Variants in EXTL3 observed in about 807,000 individuals in gnomAD.
EXTL3 encodes exostosin-like 3.
A neutral mutation model predicts 69.3 loss-of-function variants in EXTL3; 27 were observed. The ratio of observed to expected loss-of-function variants is 0.39; its 90% CI spans 0.29 to 0.54. The LOEUF is 0.54. Among genes scored for constraint, EXTL3 ranks in the 20% least tolerant of loss-of-function variants. EXTL3 has a pLI of 0.69. For missense variants in EXTL3, 1,003 were observed against 1,231.8 expected, an observed-to-expected ratio of 0.81 and a Z score of 2.78; for synonymous variants, 511 against 499.4, an observed-to-expected ratio of 1.02 and a Z score of -0.31.
chr8:28,715,742 G>T lies in EXTL3; in HGVS notation c.-318G>T, dbSNP rs772037633. ...GAAAAAGTCTGTCTGATTCCAGGGT[G>T]TTTTTCCTGGGTTTCATCATCAGGT... On this transcript the variant is annotated 5_prime_UTR_variant, in exon 3 of 7. Transcript: ENST00000220562. 14 of 380,926 alleles carry T rather than the reference G, an allele frequency of 3.7e-5. No individual in the cohort carries two copies. Among genetic ancestry groups the T allele is most frequent in the Non-Finnish European group, 6.2e-5 (13 of 209,246 alleles). The allele number at this position is 380,926 out of a possible 1,614,324, so 23.6% of individuals were successfully genotyped here. A position where few individuals can be genotyped will look rare whatever the true frequency, so the allele number is the denominator to read the frequency against.
At chr8:28,739,596 G>T (rs1467741206) in intron 5 of EXTL3, among the ~76,000 whole-genome samples, 3 of 152,208 alleles carry the variant, frequency 2.0e-5, no homozygotes, top group Non-Finnish European at 4.4e-5. Context: ...CTCCCAAAGT[G>T]TTGGGATTAC....
At chr8:28,685,821 G>T (rs2130667910) in intron 1 of EXTL3, 1 of 151,128 alleles carries the variant, frequency 6.6e-6, no homozygotes, top group Admixed American at 6.6e-5. Flanking sequence ...TTATGTATGT[G>T]TGTGTGTATA....
chr8:28,742,999 A>G, intron 5 of EXTL3, 87 bp from the exon 6 acceptor site: 19 of 1,471,342 alleles, frequency 1.3e-5, no homozygotes, highest in Non-Finnish European at 1.4e-5. Flanking sequence ...ACACCCAAAC[A>G]GCCCCTCCAT....
Position 28,706,786 on chromosome 8 carries a change from C to G in EXTL3, c.-570+5127C>G, listed in dbSNP as rs73669848. 3.3e-3 allele frequency among the ~76,000 whole-genome samples: 504 copies of G among 151,380 alleles called. 1 individual carries two copies. Among genetic ancestry groups the G allele is most frequent in the African/African-American group, 0.012 (497 of 41,354 alleles). The stretch of plus-strand genomic sequence containing the variant: ...TCCGTTGACCACTGTTGATTGCTTT[C>G]TTTTAATTCTGTCATATTGAGCAGG... On this transcript the variant is annotated intron_variant, in intron 1 of 6. Transcript: ENST00000220562.
chr8:28,642,082 G>T (rs1393212521), intron 1 of EXTL3, among the ~76,000 whole-genome samples: 2 of 151,964 alleles, frequency 1.3e-5, no homozygotes. Flanking sequence ...TGATCCGCCC[G>T]CCTCAGCCTC....
chr8:28,651,438 G>A (rs924063455), intron 1 of EXTL3, among the ~76,000 whole-genome samples: 13 of 151,960 alleles, frequency 8.6e-5, no homozygotes, highest in African/African-American at 2.7e-4. Context: ...AAATCTTCCC[G>A]CCTCAGGTTC....
intron 1 of EXTL3, among the ~76,000 whole-genome samples, chr8:28,640,335 TTCTTTC>T (rs1806722774): frequency 6.6e-6 from 1 of 152,198 alleles, no homozygotes; most frequent in African/African-American, 2.4e-5. Flanking sequence ...ATAATATCTA[TTCTTTC>T]TCTTTATTTA....
At chr8:28,729,292 CAAAAAAAAAAA>C (rs72487306) in intron 3 of EXTL3, among the ~76,000 whole-genome samples, 1 of 74,068 alleles carries the variant, frequency 1.4e-5, no homozygotes, top group Non-Finnish European at 2.5e-5. Flanking sequence ...GACTCTATCT[CAAAAAAAAAAA>C]AAAAAAAAAA....
chr8:28,747,998 G>A (rs1801925004), intron 6 of EXTL3, among the ~76,000 whole-genome samples: 1 of 152,072 alleles, frequency 6.6e-6, no homozygotes. Context: ...AAAGTGCTGG[G>A]ATTACAGGTG....
intron 1 of EXTL3, among the ~76,000 whole-genome samples, chr8:28,669,719 C>T (rs934938061): frequency 6.6e-6 from 1 of 152,148 alleles, no homozygotes; most frequent in Non-Finnish European, 1.5e-5. Flanking sequence ...CTTCTCTGTT[C>T]TCTGATATTA....
intron 1 of EXTL3, among the ~76,000 whole-genome samples, chr8:28,638,183 G>C (rs1056094851): frequency 4.6e-5 from 7 of 152,178 alleles, no homozygotes; most frequent in African/African-American, 1.4e-4. Context: ...AATTCTTTTG[G>C]TTCCAAGTGA....
At chr8:28,743,012 A>G (rs1801812098) in intron 5 of EXTL3, 74 bp from the exon 6 acceptor site, 3 of 1,558,174 alleles carry the variant, frequency 1.9e-6, no homozygotes, top group Non-Finnish European at 2.7e-6. Context: ...CCCTCCATCC[A>G]TGCATATTTT....
chr8:28,667,373 G>A (rs942159828), intron 1 of EXTL3, among the ~76,000 whole-genome samples: 2 of 152,148 alleles, frequency 1.3e-5, no homozygotes, highest in Admixed American at 1.3e-4. Flanking sequence ...AGCATTCAGA[G>A]GAGCCTGACT....
chr8:28,745,832 T>G (rs1801877265), intron 6 of EXTL3, among the ~76,000 whole-genome samples: 1 of 152,210 alleles, frequency 6.6e-6, no homozygotes, highest in Non-Finnish European at 1.5e-5. Flanking sequence ...TGGAAGTAAT[T>G]TAGACATGGT....
chr8:28,718,069 T>C lies in EXTL3; in HGVS notation c.2010T>C (p.Tyr670=), dbSNP rs767196464. The C allele has an allele frequency of 2.5e-6, 4 of 1,613,682 alleles. No individual in the cohort carries two copies. The highest frequency in any genetic ancestry group is 1.1e-5 in the South Asian group (1 of 91,010). ...REQFTVVMLT[Y]EREEVLMNSL... ...AGTTCACGGTGGTGATGTTGACTTATGAGCGGGAGGAAGTGCTTATGAACT... is the reference window on the plus strand; with the variant it reads ...AGTTCACGGTGGTGATGTTGACTTACGAGCGGGAGGAAGTGCTTATGAACT... Residue 670 remains tyrosine (Y), a synonymous_variant, in exon 3 of 7, where the codon TAT becomes TAC. Transcript: ENST00000220562.
chr8:28,745,335 T>C (rs974105428), intron 6 of EXTL3, among the ~76,000 whole-genome samples: 7 of 152,184 alleles, frequency 4.6e-5, no homozygotes, highest in African/African-American at 1.7e-4. Context: ...TGTCCCAGGG[T>C]TTCATCTGTT....
chr8:28,670,208 C>CAAAAAA (rs369464596), intron 1 of EXTL3, among the ~76,000 whole-genome samples: 3 of 80,412 alleles, frequency 3.7e-5, no homozygotes, highest in Non-Finnish European at 6.6e-5. Context: ...GACTCTGTCT[C>CAAAAAA]AAAAAAAAAA....
At chr8:28,639,760 A>G (rs181006146) in intron 1 of EXTL3, among the ~76,000 whole-genome samples, 4 of 152,344 alleles carry the variant, frequency 2.6e-5, no homozygotes, top group Admixed American at 2.6e-4. Flanking sequence ...TCCTGTTAGA[A>G]CATTCTACTT....
upstream of EXTL3, chr8:28,700,599 C>G (rs750405391): frequency 1.3e-5 from 2 of 152,110 alleles, no homozygotes; most frequent in Admixed American, 1.3e-4. Context: ...TTCTCCAGGT[C>G]CTGTGTGTTT....
Sources: allele counts gnomAD v4.1 joint callset (sites outside exome capture counted in the v4.1 genomes callset), GRCh38; gene constraint gnomAD v4.1.1; transcripts MANE v1.5; gene names NCBI Gene and HGNC (gene_info 2026-07-23, HGNC 2026-07-21).